PTPRG: variants seen among roughly 807,000 people sequenced by gnomAD.
PTPRG encodes the protein receptor-type tyrosine-protein phosphatase gamma.
PTPRG carries 102 observed loss-of-function variants against 165.3 expected under a neutral mutation model. The observed-to-expected ratio is 0.62, with a 90% CI of 0.53 to 0.73. The LOEUF (loss-of-function observed/expected upper bound fraction) is 0.73. Ranked by LOEUF, PTPRG falls within the 30% of genes least tolerant of loss-of-function variation. PTPRG has a pLI of 0.00. For synonymous variants in PTPRG, 675 were observed against 669.5 expected, an observed-to-expected ratio of 1.01 and a Z score of -0.13; for missense variants, 1,866 against 1,861.4, an observed-to-expected ratio of 1.00 and a Z score of -0.05.
chr3:62,203,599 G>A lies in PTPRG; in HGVS notation c.1804G>A (p.Asp602Asn). 3 of 1,552,794 alleles carry A rather than the reference G, an allele frequency of 1.9e-6. No individual in the cohort carries two copies. Among genetic ancestry groups the A allele is most frequent in the South Asian group, 2.4e-5 (2 of 84,176 alleles). The change falls in exon 12 of 30, where the codon GAC (aspartate) becomes AAC (asparagine). Residue 602 changes from aspartate (D) to asparagine (N), a missense_variant. This residue lies in a region of PTPRG where 1,452 missense variants were observed against 1,463.0 expected (regional missense o/e 0.99). Transcript: ENST00000474889. The surrounding 1 kb of genome is among the most constrained non-coding windows in gnomAD (Gnocchi z 6.4). ...EREHEEDGEKDSEKKEKSGVT... is the reference protein window; with the variant it reads ...EREHEEDGEKNSEKKEKSGVT... ...GGAGCACGAGGAGGATGGAGAGAAGGACTCCGAAAAGAAGGAGAAGAGTGG... is the reference window on the plus strand; with the variant it reads ...GGAGCACGAGGAGGATGGAGAGAAGAACTCCGAAAAGAAGGAGAAGAGTGG...
At chr3:61,816,437 CA>C (rs1245919807) in intron 2 of PTPRG, among the ~76,000 whole-genome samples, 2 of 152,112 alleles carry the variant, frequency 1.3e-5, no homozygotes, top group African/African-American at 2.4e-5. Context: ...GAGGCTGAGG[CA>C]GGGGAATCAC....
intron 2 of PTPRG, chr3:61,771,325 G>A (rs1000913370): frequency 1.3e-5 from 2 of 151,946 alleles, no homozygotes; most frequent in African/African-American, 4.8e-5. Flanking sequence ...GGAGAGAAAC[G>A]GGGGGTTGCA....
chr3:62,136,912 T>A (rs1703729926), intron 6 of PTPRG, among the ~76,000 whole-genome samples: 1 of 152,156 alleles, frequency 6.6e-6, no homozygotes, highest in Non-Finnish European at 1.5e-5. Context: ...ACAGTAACAT[T>A]GCTTCTCTAT....
chr3:62,170,222 C>A (rs1455531118), intron 8 of PTPRG, among the ~76,000 whole-genome samples: 2 of 151,920 alleles, frequency 1.3e-5, no homozygotes, highest in East Asian at 3.9e-4. Context: ...GAAAACCTCA[C>A]ATGAACTAAT....
intron 4 of PTPRG, among the ~76,000 whole-genome samples, chr3:62,062,429 G>A (rs1216482975): frequency 6.6e-6 from 1 of 152,130 alleles, no homozygotes; most frequent in African/African-American, 2.4e-5. Flanking sequence ...AATTCTTTCA[G>A]CTTTGCTCGT....
Position 62,132,679 on chromosome 3 carries a change from C to A in PTPRG, c.682+11C>A. On this transcript the variant is annotated intron_variant, in intron 6 of 29. Coordinates refer to ENST00000474889, the MANE Select transcript of PTPRG (RefSeq NM_002841.4). ...GTGTCGTACATCATGGTAAGTATGC[C>A]ACATACACTTCCTTTTGCTGGGATG... 6.3e-7 allele frequency: 1 copy of A among 1,595,328 alleles called. No individual in the cohort carries two copies. Among genetic ancestry groups the A allele is most frequent in the Non-Finnish European group, 8.6e-7 (1 of 1,162,916 alleles).
At chr3:61,793,083 G>A (rs1271195093) in intron 2 of PTPRG, among the ~76,000 whole-genome samples, 1 of 152,162 alleles carries the variant, frequency 6.6e-6, no homozygotes, top group African/African-American at 2.4e-5. Context: ...TGGAGGAAAG[G>A]TCTCCAAGGT....
intron 1 of PTPRG, among the ~76,000 whole-genome samples, chr3:61,602,331 TA>T (rs1488990513): frequency 2.6e-5 from 4 of 151,962 alleles, no homozygotes; most frequent in Admixed American, 2.6e-4. Context: ...CCCTTGTAAT[TA>T]AAAGAGAAGT....
chr3:62,123,225 C>A (rs1004689047), intron 5 of PTPRG, among the ~76,000 whole-genome samples: 8 of 152,114 alleles, frequency 5.3e-5, no homozygotes, highest in Non-Finnish European at 1.0e-4. Flanking sequence ...CTAGCAGAAC[C>A]CAGTTCCTCA....
chr3:61,831,852 CAT>C (rs2036305122), intron 2 of PTPRG, among the ~76,000 whole-genome samples: 1 of 152,078 alleles, frequency 6.6e-6, no homozygotes, highest in Non-Finnish European at 1.5e-5. Context: ...TAAACACACA[CAT>C]AGGATAGATA....
At chr3:61,772,852 A>C (rs925255538) in intron 2 of PTPRG, among the ~76,000 whole-genome samples, 7 of 152,216 alleles carry the variant, frequency 4.6e-5, no homozygotes, top group African/African-American at 1.7e-4. Flanking sequence ...TTGCTAGATC[A>C]GAGAATATGC....
At chr3:61,910,541 C>G (rs766605646) in intron 2 of PTPRG, among the ~76,000 whole-genome samples, 2 of 152,130 alleles carry the variant, frequency 1.3e-5, no homozygotes, top group South Asian at 2.1e-4. Context: ...ATTGCCTGTT[C>G]CAATTTGTTC....
intron 28 of PTPRG, among the ~76,000 whole-genome samples, chr3:62,290,721 T>C (rs974099310): frequency 1.3e-5 from 2 of 151,982 alleles, no homozygotes; most frequent in Non-Finnish European, 2.9e-5. Flanking sequence ...GGTTATCCAA[T>C]GGAAAAATAA....
chr3:62,103,302 T>TTA (rs1702357300), intron 5 of PTPRG, among the ~76,000 whole-genome samples: 1 of 117,136 alleles, frequency 8.5e-6, no homozygotes, highest in African/African-American at 3.6e-5. Flanking sequence ...CTTAATAAAA[T>TTA]ATTGAAGGTC....
chr3:62,072,438 C>G (rs973695627), intron 4 of PTPRG, among the ~76,000 whole-genome samples: 5 of 152,140 alleles, frequency 3.3e-5, no homozygotes, highest in Non-Finnish European at 7.3e-5. Context: ...GTTTTGCAGT[C>G]AAGACATTCC....
intron 8 of PTPRG, among the ~76,000 whole-genome samples, chr3:62,180,577 A>G (rs1705606727): frequency 6.6e-6 from 1 of 152,216 alleles, no homozygotes; most frequent in South Asian, 2.1e-4. Context: ...AAATCACAGC[A>G]TCATAAAGTT....
chr3:61,973,560 G>A (rs1374550819), intron 2 of PTPRG, among the ~76,000 whole-genome samples: 2 of 152,174 alleles, frequency 1.3e-5, no homozygotes, highest in East Asian at 1.9e-4. Flanking sequence ...GTCCAGATGC[G>A]GTGGCTCATA....
In PTPRG at chr3:62,095,880, CAGG is replaced by C. The variant is rs1477852868; in HGVS notation, c.615+17625_615+17627del. Among the ~76,000 whole-genome samples the C allele has an allele frequency of 2.0e-5, 3 of 152,022 alleles. No homozygotes were observed. In the East Asian group the frequency reaches 5.8e-4, roughly 29 times the overall value. ...CAATAGCATGAGCAATGGCCCCAAG[CAGG>C]AGAACTGAGTGCTCAAGGACCAGAG... On this transcript the variant is annotated intron_variant, in intron 5 of 29. Coordinates refer to ENST00000474889, the MANE Select transcript of PTPRG (RefSeq NM_002841.4).
At chr3:62,115,322 C>G (rs76283597) in intron 5 of PTPRG, among the ~76,000 whole-genome samples, 1 of 152,118 alleles carries the variant, frequency 6.6e-6, no homozygotes, top group Non-Finnish European at 1.5e-5. Context: ...AAAAAAACCC[C>G]TTTCCCTTGG....
Sources: gnomAD v4.1 joint callset for allele counts (sites outside exome capture counted in the v4.1 genomes callset) on GRCh38, gnomAD v4.1.1 for gene constraint, gnomAD v4.1.1 regional missense constraint, Gnocchi (gnomAD v3.1) non-coding constraint, MANE v1.5 for transcripts, NCBI Gene and HGNC (gene_info 2026-07-23, HGNC 2026-07-21) for gene names.